DENND5B: variants seen among roughly 807,000 people sequenced by gnomAD.
The protein encoded by DENND5B is DENN domain containing 5B, also known as DENN domain-containing protein 5B.
Under a neutral mutation model 140.6 loss-of-function variants are expected in DENND5B, and 34 were observed. The ratio of observed to expected loss-of-function variants is 0.24; its 90% CI spans 0.18 to 0.32. The LOEUF (loss-of-function observed/expected upper bound fraction) is 0.32. DENND5B is among the 10% of genes least tolerant of loss of function. DENND5B has a pLI of 1.00. For missense variants in DENND5B, 1,142 were observed against 1,560.2 expected (o/e 0.73, Z 4.52); for synonymous variants, 551 against 562.1 (o/e 0.98, Z 0.28).
intron 3 of DENND5B, among the ~76,000 whole-genome samples, chr12:31,463,983 A>C (rs1023536564): frequency 6.6e-6 from 1 of 152,108 alleles, no homozygotes; most frequent in African/African-American, 2.4e-5. Flanking sequence ...GCTTTTTAAT[A>C]ATGCAATTAC....
chr12:31,441,681 C>T (rs1163299394), intron 7 of DENND5B, among the ~76,000 whole-genome samples: 2 of 151,908 alleles, frequency 1.3e-5, no homozygotes, highest in African/African-American at 4.8e-5. Context: ...GTTTTTAATC[C>T]ACAATTCTTT....
At chr12:31,449,731 G>GTGTTTTT (rs1555149739) in intron 5 of DENND5B, among the ~76,000 whole-genome samples, 1 of 89,970 alleles carries the variant, frequency 1.1e-5, no homozygotes, top group South Asian at 4.0e-4. Context: ...ACACAGATTA[G>GTGTTTTT]TTTTTTTTTT....
At position 31,571,122 on chromosome 12, in the gene DENND5B, G is replaced by A. The variant is rs565380542; in HGVS notation, c.127+19584C>T. Among the ~76,000 whole-genome samples, 340 of 152,304 alleles carry A rather than the reference G, an allele frequency of 2.2e-3. 2 individuals carry two copies. Among genetic ancestry groups the A allele is most frequent in the Admixed American group, 3.9e-3 (59 of 15,300 alleles). On this transcript the variant is annotated intron_variant, in intron 1 of 20. Coordinates refer to ENST00000389082, the MANE Select transcript of DENND5B (RefSeq NM_144973.4). ...AAGGAGCTGTGAAGGACAAGTGTCA[G>A]ATCTGCTGCTGCTGCTTCAAGACTC... is the stretch of plus-strand genomic sequence containing the variant.
intron 4 of DENND5B, 45 bp from the exon 5 acceptor site, chr12:31,452,521 G>C (rs1234063679): frequency 6.5e-7 from 1 of 1,530,726 alleles, no homozygotes; most frequent in East Asian, 2.3e-5. Context: ...TAAAGGAATT[G>C]TATGTGCTAA....
Position 31,479,981 on chromosome 12 carries a change from A to G in DENND5B, c.512T>C (p.Leu171Ser). The change falls in exon 3 of 21, where the codon TTG becomes TCG. Residue 171 changes from leucine to serine, a missense_variant. Coordinates refer to ENST00000389082, the MANE Select transcript of DENND5B (RefSeq NM_144973.4). Reference protein sequence around the residue: ...SLDEGDTTSLLKLQRYNSYDI... With the variant: ...SLDEGDTTSLSKLQRYNSYDI... The stretch of plus-strand genomic sequence containing the variant: ...ATAGGAGTTGTATCGCTGGAGTTTC[A>G]AAAGGGAAGTTGTATCTCCTTCATC... 2 of 1,614,020 alleles carry G rather than the reference A, an allele frequency of 1.2e-6. No homozygotes were observed. The highest frequency in any genetic ancestry group is 8.5e-7 in the Non-Finnish European group (1 of 1,179,884).
At chr12:31,521,997 T>A (rs561224408) in intron 1 of DENND5B, among the ~76,000 whole-genome samples, 3 of 152,350 alleles carry the variant, frequency 2.0e-5, no homozygotes, top group African/African-American at 7.2e-5. Context: ...CCCTCTTCAA[T>A]TCTATTTACT....
intron 5 of DENND5B, 137 bp from the exon 6 acceptor site, chr12:31,447,906 TA>T: frequency 1.4e-6 from 1 of 690,156 alleles, no homozygotes; most frequent in East Asian, 2.7e-5. Flanking sequence ...CAAAAATCCT[TA>T]AAAATCCACT....
chr12:31,545,328 G>T (rs2139196336), intron 1 of DENND5B, among the ~76,000 whole-genome samples: 1 of 152,174 alleles, frequency 6.6e-6, no homozygotes, highest in African/African-American at 2.4e-5. Flanking sequence ...GGGTACAAAT[G>T]TTCCCACGTC....
At chr12:31,411,472 G>C (rs1018723171) in intron 13 of DENND5B, among the ~76,000 whole-genome samples, 3 of 150,396 alleles carry the variant, frequency 2.0e-5, no homozygotes, top group Non-Finnish European at 2.9e-5. Flanking sequence ...TGCCTCCCAA[G>C]TAGCTGGGAT....
intron 7 of DENND5B, among the ~76,000 whole-genome samples, chr12:31,442,310 T>C (rs1944071141): frequency 6.6e-6 from 1 of 152,188 alleles, no homozygotes; most frequent in African/African-American, 2.4e-5. Context: ...CCTAGAAGCC[T>C]CGAAGGGAGC....
chr12:31,498,369 A>G (rs1447441862), intron 1 of DENND5B, among the ~76,000 whole-genome samples: 2 of 152,216 alleles, frequency 1.3e-5, no homozygotes, highest in Non-Finnish European at 2.9e-5. Context: ...AAAGGTCATG[A>G]AAGTGCCATT....
chr12:31,495,826 T>C lies in DENND5B; in HGVS notation c.221A>G (p.Gln74Arg). The C allele has an allele frequency of 6.2e-7, 1 of 1,610,262 alleles. No homozygotes were observed. The change falls in exon 2 of 21, where the codon CAA (glutamine) becomes CGA (arginine). Residue 74 changes from glutamine (Q) to arginine (R), a missense_variant. Coordinates refer to ENST00000389082, the MANE Select transcript of DENND5B (RefSeq NM_144973.4). ...AACACATACCATGTTCACCGCATCT[T>C]GATCAAAAGGGTTCCATTCTATATT... The part of the protein sequence containing the change: ...PQNIEWNPFD[Q>R]DAVNMLCMPK...
intron 4 of DENND5B, among the ~76,000 whole-genome samples, chr12:31,458,339 T>A (rs775164540): frequency 6.6e-6 from 1 of 152,194 alleles, no homozygotes; most frequent in Non-Finnish European, 1.5e-5. Flanking sequence ...ACAAAATAGA[T>A]CAGTCACTCA....
rs1945985319 is a variant in DENND5B at position 31,479,770 on chromosome 12, T to A, written c.723A>T (p.Pro241=). ...CACCATAAAATTTCAGTGACCTCCC[T>A]GGAGGTGGAAGGGGTACTTCATAAA... ...NILYEVPLPP[P]GRSLKFYGVY... The change falls in exon 3 of 21, where the codon CCA becomes CCT. Residue 241 remains proline (P), a synonymous_variant. Coordinates refer to ENST00000389082, the MANE Select transcript of DENND5B (RefSeq NM_144973.4). The A allele has an allele frequency of 2.5e-6, 4 of 1,609,270 alleles. No individual in the cohort carries two copies. The highest frequency in any genetic ancestry group is 3.4e-6 in the Non-Finnish European group (4 of 1,177,700).
intron 2 of DENND5B, among the ~76,000 whole-genome samples, chr12:31,494,138 T>TTCTA (rs58109707): frequency 0.039 from 5,463 of 139,652 alleles, 209 homozygotes; most frequent in Non-Finnish European, 0.048. Flanking sequence ...TCTCTCTATC[T>TTCTA]TCTATCTATC....
intron 1 of DENND5B, among the ~76,000 whole-genome samples, chr12:31,580,526 A>G (rs1014863461): frequency 1.3e-5 from 2 of 151,784 alleles, no homozygotes; most frequent in Non-Finnish European, 2.9e-5. Context: ...ACAGGGTCTC[A>G]CTCTGTTAAC....
At chr12:31,426,464 C>T (rs1271413735) in intron 8 of DENND5B, 40 bp from the exon 9 acceptor site, 2 of 1,580,370 alleles carry the variant, frequency 1.3e-6, no homozygotes, top group Admixed American at 1.8e-5. Context: ...TAAACATTAG[C>T]TATTCTTCTA....
At chr12:31,465,516 C>T (rs1945221922) in intron 3 of DENND5B, 1 of 152,290 alleles carries the variant, frequency 6.6e-6, no homozygotes, top group African/African-American at 2.4e-5. Flanking sequence ...TACAGGTGCA[C>T]ACCACCATGC....
intron 3 of DENND5B, chr12:31,465,341 T>C (rs1242694375): frequency 1.3e-5 from 2 of 152,544 alleles, no homozygotes; most frequent in Non-Finnish European, 2.9e-5. Flanking sequence ...TGGAGGATTA[T>C]ACACCTATGA....
Sources: gnomAD v4.1 joint callset for allele counts (sites outside exome capture counted in the v4.1 genomes callset) on GRCh38, gnomAD v4.1.1 for gene constraint, MANE v1.5 for transcripts, NCBI Gene and HGNC (gene_info 2026-07-23, HGNC 2026-07-21) for gene names.